Variants in SPAG16 observed in about 807,000 individuals in gnomAD.
The protein encoded by SPAG16 is sperm associated antigen 16, also known as sperm-associated antigen 16 protein.
A neutral mutation model predicts 80.4 loss-of-function variants in SPAG16; 86 were observed. The ratio of observed to expected loss-of-function variants is 1.07; its 90% CI spans 0.90 to 1.28. The LOEUF (loss-of-function observed/expected upper bound fraction) is 1.28. SPAG16 is among the 50% of genes most tolerant of loss of function. The probability of loss-of-function intolerance (pLI) is 0.00; values close to 1 mark genes in which losing one functional copy is unlikely to be tolerated. For synonymous variants in SPAG16, 294 were observed against 265.9 expected (o/e 1.11, Z -1.03); for missense variants, 870 against 765.3 (o/e 1.14, Z -1.61).
At chr2:213,935,154 A>G (rs957605206) in intron 12 of SPAG16, among the ~76,000 whole-genome samples, 2 of 150,180 alleles carry the variant, frequency 1.3e-5, no homozygotes, top group Non-Finnish European at 3.0e-5. Flanking sequence ...GTGAGCCGAG[A>G]TAGCGCCACT....
chr2:213,337,256 C>T (rs189827692), intron 5 of SPAG16, among the ~76,000 whole-genome samples: 13 of 152,250 alleles, frequency 8.5e-5, no homozygotes, highest in Admixed American at 5.2e-4. Flanking sequence ...AAACTCATGA[C>T]GATGAGAAAG....
chr2:214,295,014 G>C (rs535360752), intron 15 of SPAG16, among the ~76,000 whole-genome samples: 1 of 152,166 alleles, frequency 6.6e-6, no homozygotes, highest in African/African-American at 2.4e-5. Context: ...CTCTAGCCAC[G>C]GTCACAGTGC....
intron 12 of SPAG16, among the ~76,000 whole-genome samples, chr2:213,940,984 C>G (rs2079175315): frequency 6.6e-6 from 1 of 152,138 alleles, no homozygotes; most frequent in Non-Finnish European, 1.5e-5. Flanking sequence ...TTCTTACAAA[C>G]CACTGAGGAA....
chr2:213,487,393 T>G (rs1356290010), intron 9 of SPAG16, among the ~76,000 whole-genome samples: 1 of 152,066 alleles, frequency 6.6e-6, no homozygotes, highest in Non-Finnish European at 1.5e-5. Flanking sequence ...TTAAGATTTA[T>G]TTTACCTCTT....
chr2:214,028,402 G>A (rs1447767173), intron 13 of SPAG16, among the ~76,000 whole-genome samples: 8 of 152,002 alleles, frequency 5.3e-5, no homozygotes, highest in African/African-American at 1.4e-4. Flanking sequence ...ACTTCATGAA[G>A]CAAAGCTATG....
intron 10 of SPAG16, among the ~76,000 whole-genome samples, chr2:213,739,824 A>G (rs1046042104): frequency 6.6e-6 from 1 of 151,878 alleles, no homozygotes; most frequent in African/African-American, 2.4e-5. Context: ...TTGGTCTCAA[A>G]CTCCTGACCT....
intron 15 of SPAG16, among the ~76,000 whole-genome samples, chr2:214,245,169 A>G (rs2125834623): frequency 6.6e-6 from 1 of 152,286 alleles, no homozygotes; most frequent in African/African-American, 2.4e-5. Flanking sequence ...ACTGCACAAG[A>G]ATATTATTCT....
At chr2:214,396,473 AT>A (rs1164468752) in intron 15 of SPAG16, among the ~76,000 whole-genome samples, 1 of 152,094 alleles carries the variant, frequency 6.6e-6, no homozygotes, top group Non-Finnish European at 1.5e-5. Context: ...TGTAATTAAT[AT>A]TTTTTAATGT....
intron 5 of SPAG16, among the ~76,000 whole-genome samples, chr2:213,328,840 A>C (rs188782032): frequency 6.6e-6 from 1 of 152,084 alleles, no homozygotes; most frequent in South Asian, 2.1e-4. Flanking sequence ...CCCCACCCAA[A>C]TCTCATCTTG....
chr2:214,050,604 G>A (rs868549176), intron 13 of SPAG16, among the ~76,000 whole-genome samples: 1 of 152,024 alleles, frequency 6.6e-6, no homozygotes, highest in South Asian at 2.1e-4. Flanking sequence ...AGAAAGCAAT[G>A]TATGTACTCC....
At chr2:213,519,815 G>T (rs1461919875) in intron 10 of SPAG16, among the ~76,000 whole-genome samples, 1 of 151,966 alleles carries the variant, frequency 6.6e-6, no homozygotes, top group Non-Finnish European at 1.5e-5. Flanking sequence ...TCTTTGTTTT[G>T]AGTTGAATTG....
intron 11 of SPAG16, among the ~76,000 whole-genome samples, chr2:213,917,473 T>G (rs1490947013): frequency 6.6e-6 from 1 of 152,214 alleles, no homozygotes; most frequent in Non-Finnish European, 1.5e-5. Context: ...GTAGTTCTTG[T>G]TGTAGAGACG....
intron 15 of SPAG16, among the ~76,000 whole-genome samples, chr2:214,282,740 C>A (rs898222539): frequency 6.6e-6 from 1 of 152,190 alleles, no homozygotes; most frequent in African/African-American, 2.4e-5. Flanking sequence ...GAAGTGAGCT[C>A]AATTTAAATG....
chr2:213,999,063 A>G (rs1373310638), intron 12 of SPAG16, among the ~76,000 whole-genome samples: 1 of 152,212 alleles, frequency 6.6e-6, no homozygotes, highest in Non-Finnish European at 1.5e-5. Flanking sequence ...CCATTTTCTG[A>G]GGAGAAATTC....
chr2:213,886,480 T>G (rs1468928110), intron 11 of SPAG16, among the ~76,000 whole-genome samples: 1 of 152,016 alleles, frequency 6.6e-6, no homozygotes, highest in Non-Finnish European at 1.5e-5. Flanking sequence ...GGTGTCACTT[T>G]CTGATCCCCA....
At chr2:213,403,306 C>A (rs2125348909) in intron 9 of SPAG16, among the ~76,000 whole-genome samples, 1 of 152,134 alleles carries the variant, frequency 6.6e-6, no homozygotes, top group Non-Finnish European at 1.5e-5. Context: ...TGTTTGAGTT[C>A]ATTGTAGATT....
At position 213,615,860 on chromosome 2, in the gene SPAG16, T is replaced by C. The variant is rs2125035399; in HGVS notation, c.1070+125770T>C. Among the ~76,000 whole-genome samples the C allele has an allele frequency of 2.0e-5, 3 of 152,098 alleles. No homozygotes were observed. In the South Asian group the frequency reaches 6.2e-4, roughly 32 times the overall value. ...ACAAAATGATTGTTACTTTTTGCAG[T>C]ATCACAATAATCCTATGAAATTAGT... On this transcript the variant is annotated intron_variant, in intron 10 of 15. Transcript: ENST00000331683.
rs1265276518 is a variant in SPAG16 at position 213,307,424 on chromosome 2, C to G, written c.280-2635C>G. On this transcript the variant is annotated intron_variant, in intron 3 of 15. Coordinates refer to ENST00000331683, the MANE Select transcript of SPAG16 (RefSeq NM_024532.5). ...CCTGTGTCCATGTGTTCTCATTGTT[C>G]AGTTCCCACCTATGAGTGAGAATAT... 2.1e-5 allele frequency among the ~76,000 whole-genome samples: 3 copies of G among 140,222 alleles called. 1 individual carries two copies. 92.0% of individuals were successfully genotyped at this position (140,222 alleles called of 152,430 possible).
At position 213,387,665 on chromosome 2, in the gene SPAG16, G is replaced by A. The variant is rs1029943081; in HGVS notation, c.942+12546G>A. Among the ~76,000 whole-genome samples the A allele has an allele frequency of 8.3e-4, 124 of 150,258 alleles. 1 individual carries two copies. Among genetic ancestry groups the A allele is most frequent in the African/African-American group, 3.0e-3 (120 of 40,570 alleles). On this transcript the variant is annotated intron_variant, in intron 9 of 15. Transcript: ENST00000331683. ...GAGACGGGGTTTCACCATTTTGGCC[G>A]GGATGGTCTCGATCTCCTGACCTCG...
Sources: allele counts gnomAD v4.1 joint callset (sites outside exome capture counted in the v4.1 genomes callset), GRCh38; gene constraint gnomAD v4.1.1; transcripts MANE v1.5; gene names NCBI Gene and HGNC (gene_info 2026-07-23, HGNC 2026-07-21).